The following SPP1 variants were observed in gnomAD, a reference collection of about 807,000 sequenced individuals.
SPP1 encodes the protein osteopontin.
SPP1 carries 18 observed loss-of-function variants against 20.8 expected under a neutral mutation model. That is an observed-to-expected ratio of 0.87 (90% CI 0.60 to 1.29). The LOEUF (loss-of-function observed/expected upper bound fraction) is 1.29, where lower values mean the gene tolerates loss of function less well. Among genes scored for constraint, SPP1 ranks in the 50% most tolerant of loss-of-function variants. The pLI, the probability that SPP1 is intolerant of heterozygous loss-of-function variation, is 0.00. For synonymous variants in SPP1, 146 were observed against 141.5 expected (o/e 1.03, Z -0.23); for missense variants, 363 against 389.0 (o/e 0.93, Z 0.56).
intron 3 of SPP1, among the ~76,000 whole-genome samples, chr4:87,979,161 C>CTTTTTTT (rs10596032): frequency 1.9e-5 from 2 of 107,254 alleles, no homozygotes; most frequent in African/African-American, 3.8e-5. Context: ...TTTTTATCTT[C>CTTTTTTT]TTTTTTTTTT....
intron 3 of SPP1, 99 bp downstream of exon 3, chr4:87,977,196 T>A: frequency 8.3e-7 from 1 of 1,201,888 alleles, no homozygotes; most frequent in Non-Finnish European, 1.2e-6. Context: ...ATCTTCTCAG[T>A]CAAATCCATT....
chr4:87,982,865 A>T lies in SPP1; in HGVS notation c.914A>T (p.Glu305Val), dbSNP rs760414145. ...DKHLKFRISHELDSASSEVN is the reference protein window; with the variant it reads ...DKHLKFRISHVLDSASSEVN ...CACCTGAAATTTCGTATTTCTCATG[A>T]ATTAGATAGTGCATCTTCTGAGGTC... Residue 305 changes from glutamate to valine, a missense_variant, in exon 7 of 7, where the codon GAA (glutamate) becomes GTA (valine). Transcript: ENST00000395080. The T allele has an allele frequency of 2.5e-6, 4 of 1,613,838 alleles. No individual in the cohort carries two copies. Among genetic ancestry groups the T allele is most frequent in the Middle Eastern group, 1.7e-4 (1 of 6,060 alleles).
In SPP1 at chr4:87,982,509, C is replaced by T. The variant is rs534065695; in HGVS notation, c.558C>T (p.Asp186=). ...TGATTCAGTACCCTGATGCTACAGA[C>T]GAGGACATCACCTCACACATGGAAA... The part of the protein sequence containing the change: ...RPDIQYPDAT[D]EDITSHMESE... Residue 186 remains aspartate (D), a synonymous_variant, in exon 7 of 7, where the codon GAC becomes GAT. Coordinates refer to ENST00000395080, the MANE Select transcript of SPP1 (RefSeq NM_001040058.2). 1.3e-5 allele frequency: 21 copies of T among 1,613,646 alleles called. No homozygotes were observed. The highest frequency in any genetic ancestry group is 1.6e-4 in the Middle Eastern group (1 of 6,084).
At position 87,980,273 on chromosome 4, in the gene SPP1, G is replaced by A. The variant is rs1019531008; in HGVS notation, c.175-120G>A. ...ATCTGCCATGTTGGCTTCTCTCTGT[G>A]TTAAGCCATCCACAGATGAGGCTGA... On this transcript the variant is annotated intron_variant, in intron 4 of 6. Coordinates refer to ENST00000395080, the MANE Select transcript of SPP1 (RefSeq NM_001040058.2). The A allele has an allele frequency of 1.1e-5, 16 of 1,491,898 alleles. No homozygotes were observed. In the African/African-American group the frequency reaches 1.5e-4, roughly 14 times the overall value. 92.4% of individuals were successfully genotyped at this position (1,491,898 alleles called of 1,614,324 possible).
rs773931142 is a variant in SPP1 at position 87,982,626 on chromosome 4, T to C, written c.675T>C (p.Tyr225=). 3.1e-6 allele frequency: 5 copies of C among 1,614,100 alleles called. No homozygotes were observed. Among genetic ancestry groups the C allele is most frequent in the Middle Eastern group, 1.6e-4 (1 of 6,062 alleles). Residue 225 remains tyrosine, a synonymous_variant, in exon 7 of 7, where the codon TAT becomes TAC. Coordinates refer to ENST00000395080, the MANE Select transcript of SPP1 (RefSeq NM_001040058.2). ...GGGACAGCCGTGGGAAGGACAGTTA[T>C]GAAACGAGTCAGCTGGATGACCAGA... ...SDWDSRGKDS[Y]ETSQLDDQSA... is the part of the protein sequence containing the mutation.
intron 4 of SPP1, 102 bp from the exon 5 acceptor site, chr4:87,980,291 G>A: frequency 6.5e-7 from 1 of 1,534,432 alleles, no homozygotes; most frequent in Non-Finnish European, 8.9e-7. Context: ...ATCCACAGAT[G>A]AGGCTGAAAA....
At chr4:87,977,844 A>G in intron 3 of SPP1, 2 of 1,258,550 alleles carry the variant, frequency 1.6e-6, no homozygotes, top group Non-Finnish European at 2.1e-6. Flanking sequence ...TGAAGACATT[A>G]AAAGAAGTAT....
chr4:87,978,546 A>G (rs943112635), intron 3 of SPP1, among the ~76,000 whole-genome samples: 1 of 151,366 alleles, frequency 6.6e-6, no homozygotes, highest in Admixed American at 6.6e-5. Flanking sequence ...CCACGCCCGG[A>G]TAATTTTTTG....
intron 3 of SPP1, among the ~76,000 whole-genome samples, chr4:87,978,680 C>T (rs543532138): frequency 6.6e-6 from 1 of 152,280 alleles, no homozygotes; most frequent in African/African-American, 2.4e-5. Flanking sequence ...CTGCGCCCGG[C>T]TGTTTTTTCA....
chr4:87,981,875 C>A, intron 6 of SPP1, 77 bp downstream of exon 6: 1 of 1,226,130 alleles, frequency 8.2e-7, no homozygotes, highest in Non-Finnish European at 1.1e-6. Context: ...CATATTCATT[C>A]ATTCATTCAT....
chr4:87,980,937 T>G (rs1178036926), intron 5 of SPP1, among the ~76,000 whole-genome samples: 1 of 152,204 alleles, frequency 6.6e-6, no homozygotes, highest in Non-Finnish European at 1.5e-5. Flanking sequence ...TGAAATTTGA[T>G]AGACATTAGT....
At chr4:87,977,835 G>A in intron 3 of SPP1, 1 of 1,267,226 alleles carries the variant, frequency 7.9e-7, no homozygotes, top group South Asian at 1.3e-5. Flanking sequence ...ACTGCTTAAT[G>A]AAGACATTAA....
intron 3 of SPP1, among the ~76,000 whole-genome samples, chr4:87,978,366 G>T (rs1384603342): frequency 6.6e-6 from 1 of 150,690 alleles, no homozygotes; most frequent in East Asian, 1.9e-4. Flanking sequence ...GAACTCATCT[G>T]GTCTCACTGT....
At chr4:87,977,555 G>A (rs1433572490) in intron 3 of SPP1, 1 of 621,818 alleles carries the variant, frequency 1.6e-6, no homozygotes, top group East Asian at 9.5e-5. Flanking sequence ...TGAAAAGAAA[G>A]TCTATGTGTG....
At chr4:87,978,173 G>A (rs1725464581) in intron 3 of SPP1, 1 of 153,082 alleles carries the variant, frequency 6.5e-6, no homozygotes, top group Non-Finnish European at 1.5e-5. Context: ...ATACACACTG[G>A]TTATCTGTGA....
At chr4:87,978,013 C>T (rs4084260) in intron 3 of SPP1, 6,730 of 278,732 alleles carry the variant, frequency 0.024, 487 homozygotes, top group African/African-American at 0.14. Flanking sequence ...TTTTAATAAA[C>T]GAAAATATGG....
In SPP1 at chr4:87,982,831, G is replaced by T. The variant is rs149148880; in HGVS notation, c.880G>T (p.Glu294Ter). The T allele has an allele frequency of 3.2e-5, 51 of 1,614,030 alleles. No homozygotes were observed. Among genetic ancestry groups the T allele is most frequent in the Middle Eastern group, 1.6e-4 (1 of 6,084 alleles). Residue 294 changes from glutamate (E) to a stop codon, truncating the protein, a stop_gained, in exon 7 of 7, where the codon GAA (glutamate) becomes TAA (stop). Transcript: ENST00000395080. LOFTEE classifies it high-confidence loss of function. ...GGTTGTAGACCCCAAAAGTAAGGAA[G>T]AAGATAAACACCTGAAATTTCGTAT... is the stretch of plus-strand genomic sequence containing the variant. ...MLVVDPKSKEEDKHLKFRISH... is the reference protein window; with the variant it reads ...MLVVDPKSKE
chr4:87,978,458 T>G (rs549832760), intron 3 of SPP1, among the ~76,000 whole-genome samples: 3 of 143,144 alleles, frequency 2.1e-5, no homozygotes, highest in East Asian at 4.3e-4. Context: ...TGCAGTGGTG[T>G]GATCTCGGCT....
chr4:87,979,266 G>A (rs983161795), intron 3 of SPP1, among the ~76,000 whole-genome samples: 2 of 148,366 alleles, frequency 1.3e-5, no homozygotes, highest in Non-Finnish European at 3.0e-5. Context: ...CTGGGTTCAC[G>A]CCATTCTCTT....
Sources: allele counts gnomAD v4.1 joint callset (sites outside exome capture counted in the v4.1 genomes callset), GRCh38; gene constraint gnomAD v4.1.1; transcripts MANE v1.5; gene names NCBI Gene and HGNC (gene_info 2026-07-23, HGNC 2026-07-21).